The following KIAA0825 variants were observed in gnomAD, a reference collection of about 807,000 sequenced individuals.
The protein encoded by KIAA0825 is KIAA0825.
KIAA0825 carries 119 observed loss-of-function variants against 147.6 expected under a neutral mutation model. The observed-to-expected ratio is 0.81, with a 90% CI of 0.69 to 0.94. KIAA0825 has a LOEUF of 0.94. KIAA0825 is among the 40% of genes least tolerant of loss of function. The pLI is 0.00. For missense variants in KIAA0825, 1,381 were observed against 1,472.7 expected, an observed-to-expected ratio of 0.94 and a Z score of 1.02; for synonymous variants, 470 against 518.1, an observed-to-expected ratio of 0.91 and a Z score of 1.26.
At chr5:94,479,625 T>C (rs1762271650) in intron 6 of KIAA0825, among the ~76,000 whole-genome samples, 1 of 152,132 alleles carries the variant, frequency 6.6e-6, no homozygotes, top group South Asian at 2.1e-4. Context: ...ACGAGTGCAA[T>C]TGCTGGATTG....
intron 1 of KIAA0825, among the ~76,000 whole-genome samples, chr5:94,588,087 A>C (rs1303861256): frequency 6.6e-6 from 1 of 152,180 alleles, no homozygotes; most frequent in Non-Finnish European, 1.5e-5. Context: ...AACCATAAAA[A>C]CTGTAGAAGA....
chr5:94,530,267 G>A (rs376456356), intron 3 of KIAA0825, among the ~76,000 whole-genome samples: 59 of 64,356 alleles, frequency 9.2e-4, no homozygotes, highest in African/African-American at 4.5e-3. Context: ...GTAAAACTCC[G>A]TCACAAAAAA....
At chr5:94,226,056 T>C (rs1352945515) in intron 20 of KIAA0825, among the ~76,000 whole-genome samples, 1 of 152,156 alleles carries the variant, frequency 6.6e-6, no homozygotes, top group Non-Finnish European at 1.5e-5. Flanking sequence ...CAAAAGAAAC[T>C]ATCATCAGAG....
At chr5:94,307,594 G>C (rs1257699186) in intron 20 of KIAA0825, among the ~76,000 whole-genome samples, 1 of 150,882 alleles carries the variant, frequency 6.6e-6, no homozygotes. Flanking sequence ...TTCATCTTTG[G>C]CTCCTTGCTC....
chr5:94,363,070 C>G (rs1745295176), intron 20 of KIAA0825, among the ~76,000 whole-genome samples: 1 of 152,082 alleles, frequency 6.6e-6, no homozygotes, highest in Admixed American at 6.6e-5. Context: ...GCAAAGACAT[C>G]ATGCTGATGA....
intron 20 of KIAA0825, among the ~76,000 whole-genome samples, chr5:94,304,493 G>A (rs773174381): frequency 5.9e-5 from 9 of 152,030 alleles, no homozygotes; most frequent in Non-Finnish European, 1.2e-4. Flanking sequence ...TAATAAAAAT[G>A]TTCACAGATC....
intron 20 of KIAA0825, among the ~76,000 whole-genome samples, chr5:94,174,823 G>C (rs1248519412): frequency 2.0e-5 from 3 of 152,090 alleles, no homozygotes; most frequent in Non-Finnish European, 4.4e-5. Context: ...AAGGCAGCAA[G>C]AATACCCTTT....
intron 1 of KIAA0825, among the ~76,000 whole-genome samples, chr5:94,616,658 T>C (rs1280141399): frequency 1.3e-5 from 2 of 152,210 alleles, no homozygotes; most frequent in African/African-American, 4.8e-5. Context: ...GGTCTCCAGA[T>C]CTTCTGCATT....
chr5:94,180,005 T>G (rs953543007), intron 20 of KIAA0825, among the ~76,000 whole-genome samples: 1 of 151,908 alleles, frequency 6.6e-6, no homozygotes, highest in Admixed American at 6.6e-5. Flanking sequence ...GGATGCAAAA[T>G]TAGTGGGTAA....
rs74459198 is a variant in KIAA0825 at position 94,381,471 on chromosome 5, T to C, written c.3710+2897A>G. 5.8e-3 allele frequency among the ~76,000 whole-genome samples: 882 copies of C among 152,308 alleles called. 8 individuals carry two copies. The highest frequency in any genetic ancestry group is 0.019 in the African/African-American group (780 of 41,552). Reference sequence around the variant, plus strand: ...ACACAAATGCAGTGATGTGTGAGAATTGCATTAGGTATTGAAAGTAATCTA... The same window carrying C: ...ACACAAATGCAGTGATGTGTGAGAACTGCATTAGGTATTGAAAGTAATCTA... On this transcript the variant is annotated intron_variant, in intron 20 of 20. Transcript: ENST00000682413.
At chr5:94,332,355 C>G (rs956171690) in intron 20 of KIAA0825, among the ~76,000 whole-genome samples, 2 of 151,834 alleles carry the variant, frequency 1.3e-5, no homozygotes, top group Non-Finnish European at 2.9e-5. Context: ...TTAGGTATTT[C>G]TCCTAATGCT....
chr5:94,445,911 T>C (rs906225503), intron 13 of KIAA0825, among the ~76,000 whole-genome samples: 13 of 152,168 alleles, frequency 8.5e-5, no homozygotes, highest in African/African-American at 3.1e-4. Context: ...CCACTGGCTA[T>C]TGGCACTATG....
chr5:94,506,774 G>T (rs1021218506), intron 5 of KIAA0825, among the ~76,000 whole-genome samples: 1 of 152,116 alleles, frequency 6.6e-6, no homozygotes, highest in Non-Finnish European at 1.5e-5. Context: ...AATAAAGTAG[G>T]TTCTCTATCT....
Position 94,396,270 on chromosome 5 carries a change from A to G in KIAA0825, c.3127T>C (p.Trp1043Arg), listed in dbSNP as rs1349469651. ...ATTAAACCCAATTTTTCTTTACTCC[A>G]TCTGTCAAGAGAGGCACCTGTTAAA... is the stretch of plus-strand genomic sequence containing the variant. Reference protein sequence around the residue: ...ELLTGASLDRWSKEKLGLICM... With the variant: ...ELLTGASLDRRSKEKLGLICM... The change falls in exon 17 of 21, where the codon TGG becomes CGG. Residue 1043 changes from tryptophan (W) to arginine (R), a missense_variant. Trp to Arg is a moderately radical substitution (Grantham distance 101). Transcript: ENST00000682413. The G allele has an allele frequency of 2.3e-5, 36 of 1,551,182 alleles. No individual in the cohort carries two copies. The East Asian group carries it at 8.6e-4, about 37-fold the overall frequency.
intron 20 of KIAA0825, among the ~76,000 whole-genome samples, chr5:94,158,469 A>C (rs1767253560): frequency 1.3e-5 from 2 of 152,306 alleles, no homozygotes; most frequent in Middle Eastern, 3.4e-3. Flanking sequence ...TAGGACCTAG[A>C]CAACACAGAT....
chr5:94,473,998 G>A (rs536254272), intron 7 of KIAA0825, among the ~76,000 whole-genome samples: 3 of 152,056 alleles, frequency 2.0e-5, no homozygotes, highest in Non-Finnish European at 4.4e-5. Context: ...CAGAACTCCA[G>A]ACAAGCCAAA....
chr5:94,390,063 G>T (rs533704464), intron 18 of KIAA0825, among the ~76,000 whole-genome samples: 1 of 152,330 alleles, frequency 6.6e-6, no homozygotes, highest in African/African-American at 2.4e-5. Context: ...CTATGTCAGA[G>T]TTATATGAGC....
rs1747089551 is a variant in KIAA0825, at chr5:94,373,692, AACT to A, written c.3710+10673_3710+10675del. On this transcript the variant is annotated intron_variant, in intron 20 of 20. Transcript: ENST00000682413. ...CCTCCCACTGGGTCCCTCTCATGGG[AACT>A]ACAATTCAAGATGAGATTTGGGTGG... Among the ~76,000 whole-genome samples, 9 of 152,254 alleles carry A rather than the reference AACT, an allele frequency of 5.9e-5. No homozygotes were observed. In the South Asian group the frequency reaches 1.9e-3, roughly 32 times the overall value.
chr5:94,587,110 A>C (rs1316391088), intron 1 of KIAA0825, among the ~76,000 whole-genome samples: 2 of 152,152 alleles, frequency 1.3e-5, no homozygotes, highest in Admixed American at 6.5e-5. Context: ...AAAACTGGAA[A>C]CATTCTCTTT....
Sources: gnomAD v4.1 joint callset for allele counts (sites outside exome capture counted in the v4.1 genomes callset) on GRCh38, gnomAD v4.1.1 for gene constraint, MANE v1.5 for transcripts, NCBI Gene and HGNC (gene_info 2026-07-23, HGNC 2026-07-21) for gene names.